The following MPRIP variants were observed in gnomAD, a reference collection of about 807,000 sequenced individuals.
MPRIP encodes the protein myosin phosphatase Rho interacting protein, also known as myosin phosphatase Rho-interacting protein.
Under a neutral mutation model 234.9 loss-of-function variants are expected in MPRIP, and 59 were observed. The observed-to-expected ratio is 0.25, with a 90% CI of 0.20 to 0.31. The LOEUF (loss-of-function observed/expected upper bound fraction) is 0.31, where lower values mean the gene tolerates loss of function less well. MPRIP is among the 10% of genes least tolerant of loss of function. The probability of loss-of-function intolerance (pLI) is 1.00; values close to 1 mark genes in which losing one functional copy is unlikely to be tolerated. For synonymous variants in MPRIP, 1,144 were observed against 1,263.9 expected, an observed-to-expected ratio of 0.91 and a Z score of 2.01; for missense variants, 2,436 against 3,071.0, an observed-to-expected ratio of 0.79 and a Z score of 4.89.
chr17:17,118,530 A>G (rs915630157), intron 3 of MPRIP, among the ~76,000 whole-genome samples: 4 of 152,210 alleles, frequency 2.6e-5, no homozygotes, highest in African/African-American at 7.2e-5. Flanking sequence ...GGGCTGTTCC[A>G]TGCAGCTTCA....
At chr17:17,178,808 A>G (rs1453018014) in intron 22 of MPRIP, 3 of 151,782 alleles carry the variant, frequency 2.0e-5, no homozygotes, top group Admixed American at 6.6e-5. Flanking sequence ...TCCCAGCGCT[A>G]CTTGGGAGGC....
intron 1 of MPRIP, among the ~76,000 whole-genome samples, chr17:17,048,694 G>A (rs1169346254): frequency 2.0e-5 from 3 of 152,158 alleles, no homozygotes; most frequent in Non-Finnish European, 4.4e-5. Flanking sequence ...ACATGTTGGC[G>A]AGGATGTGAA....
In MPRIP at chr17:17,166,007, T is replaced by G; in HGVS notation, c.4416T>G (p.Asn1472Lys). ...VGELGDFQVK[N>K]SQALMCLENC... Reference sequence around the variant, plus strand: ...AGCTTGGGGACTTCCAGGTCAAGAATAGTCAGGCCCTGATGTGCCTGGAAA... The same window carrying G: ...AGCTTGGGGACTTCCAGGTCAAGAAGAGTCAGGCCCTGATGTGCCTGGAAA... Residue 1472 changes from asparagine to lysine, a missense_variant, in exon 16 of 24, where the codon AAT (asparagine) becomes AAG (lysine). Transcript: ENST00000651222. The surrounding 1 kb of genome is among the most constrained non-coding windows in gnomAD (Gnocchi z 4.4). 7.7e-7 allele frequency: 1 copy of G among 1,304,104 alleles called. No homozygotes were observed. The highest frequency in any genetic ancestry group is 1.0e-6 in the Non-Finnish European group (1 of 988,882). The allele number at this position is 1,304,104 out of a possible 1,614,324, so 80.8% of individuals were successfully genotyped here.
Position 17,154,293 on chromosome 17 carries a change from C to A in MPRIP, c.1720-13C>A, listed in dbSNP as rs374236796. ...GGGACAGTCACTGATGGTGCCTCAT[C>A]TTTTCTCTGTAGACAAAGGAGGGCG... On this transcript the variant is annotated splice_polypyrimidine_tract_variant and intron_variant, in intron 12 of 23. Coordinates refer to ENST00000651222, the MANE Select transcript of MPRIP (RefSeq NM_001364716.4). 28 of 1,612,894 alleles carry A rather than the reference C, an allele frequency of 1.7e-5. No homozygotes were observed. The highest frequency in any genetic ancestry group is 2.2e-5 in the Non-Finnish European group (26 of 1,179,322).
intron 10 of MPRIP, 90 bp from the exon 11 acceptor site, chr17:17,147,229 C>T (rs1189831840): frequency 3.9e-6 from 5 of 1,285,556 alleles, no homozygotes; most frequent in Non-Finnish European, 5.6e-6. Context: ...TGGGAGGGCC[C>T]CACAGGCTCT....
intron 1 of MPRIP, 126 bp downstream of exon 1, chr17:17,043,097 G>A: frequency 1.1e-6 from 1 of 881,464 alleles, no homozygotes. Context: ...TGGGGCATGG[G>A]GACGGGGACG....
intron 3 of MPRIP, among the ~76,000 whole-genome samples, chr17:17,086,517 T>C (rs1022069030): frequency 1.3e-5 from 2 of 152,146 alleles, no homozygotes; most frequent in African/African-American, 4.8e-5. Flanking sequence ...AGCAGGGAGT[T>C]GGTGGGATAA....
intron 4 of MPRIP, among the ~76,000 whole-genome samples, chr17:17,130,370 T>C (rs1050999000): frequency 3.8e-4 from 58 of 151,698 alleles, no homozygotes; most frequent in Admixed American, 1.1e-3. Flanking sequence ...TTCCCTCTCT[T>C]CCTGTCCTCC....
intron 1 of MPRIP, among the ~76,000 whole-genome samples, chr17:17,064,603 A>G (rs1052800673): frequency 2.0e-5 from 3 of 152,244 alleles, no homozygotes; most frequent in Non-Finnish European, 4.4e-5. Flanking sequence ...CCATTTCCAT[A>G]AATCTGACAT....
At chr17:17,148,298 G>A (rs2045523584) in intron 11 of MPRIP, among the ~76,000 whole-genome samples, 1 of 152,172 alleles carries the variant, frequency 6.6e-6, no homozygotes, top group Non-Finnish European at 1.5e-5. Flanking sequence ...GTAGACCTCT[G>A]GGGGTCCCTG....
chr17:17,093,431 T>C (rs1427436037), intron 3 of MPRIP, among the ~76,000 whole-genome samples: 2 of 152,226 alleles, frequency 1.3e-5, no homozygotes, highest in Admixed American at 6.5e-5. Flanking sequence ...TTAAAACTTA[T>C]TCTGTATTCT....
intron 1 of MPRIP, chr17:17,057,938 G>T: frequency 2.1e-6 from 1 of 482,620 alleles, no homozygotes; most frequent in South Asian, 3.1e-5. Context: ...TAATAAAAAT[G>T]AATGCTCGTG....
chr17:17,085,790 G>A (rs1280527391), intron 3 of MPRIP, among the ~76,000 whole-genome samples: 1 of 152,202 alleles, frequency 6.6e-6, no homozygotes, highest in Admixed American at 6.5e-5. Context: ...GCGGGTGCCT[G>A]TACTCCCAGC....
chr17:17,154,529 T>TCTG, intron 13 of MPRIP, 114 bp downstream of exon 13: 1 of 778,046 alleles, frequency 1.3e-6, no homozygotes, highest in Non-Finnish European at 2.2e-6. Context: ...TGCATCCCAG[T>TCTG]CTGCTGCTCC....
rs140497947 is a variant in MPRIP at position 17,051,080 on chromosome 17, C to T, written c.123+8109C>T. ...TCCCACCTGTAAAGCGGGTGCCTGC[C>T]TTCTCTTTGCAGAGTAGTGTGCTGA... On this transcript the variant is annotated intron_variant, in intron 1 of 23. Coordinates refer to ENST00000651222, the MANE Select transcript of MPRIP (RefSeq NM_001364716.4). Among the ~76,000 whole-genome samples the T allele has an allele frequency of 1.9e-3, 291 of 152,254 alleles. 3 individuals carry two copies. The highest frequency in any genetic ancestry group is 6.6e-3 in the African/African-American group (276 of 41,568).
rs1448968365 is a variant in MPRIP, at chr17:17,146,106, G to A, written c.1560+14G>A. The stretch of plus-strand genomic sequence containing the variant: ...GAGGACGGCCAGGTGAGTGTGCAGG[G>A]TTGCCGTGGCCCCTGAGGGATCTGG... On this transcript the variant is annotated intron_variant, in intron 10 of 23. Coordinates refer to ENST00000651222, the MANE Select transcript of MPRIP (RefSeq NM_001364716.4). 2 of 1,613,460 alleles carry A rather than the reference G, an allele frequency of 1.2e-6. No individual in the cohort carries two copies. The highest frequency in any genetic ancestry group is 2.2e-5 in the East Asian group (1 of 44,884).
Position 17,138,694 on chromosome 17 carries a change from A to G in MPRIP, c.1250+265A>G, listed in dbSNP as rs1411864166. ...CAGTGCCTCCTAGGACTGGGACCTT[A>G]AGGTTCCCTGATGGGTTCTCAGCTG... is the stretch of plus-strand genomic sequence containing the variant. On this transcript the variant is annotated intron_variant, in intron 7 of 23. Coordinates refer to ENST00000651222, the MANE Select transcript of MPRIP (RefSeq NM_001364716.4). This position sits in a 1 kb window ranked among gnomAD's most constrained non-coding sequence, Gnocchi z 5.8. 6.6e-6 allele frequency among the ~76,000 whole-genome samples: 1 copy of G among 152,146 alleles called. No homozygotes were observed. Among genetic ancestry groups the G allele is most frequent in the Non-Finnish European group, 1.5e-5 (1 of 68,018 alleles).
chr17:17,159,126 TA>T, intron 14 of MPRIP, 124 bp downstream of exon 14: 1 of 990,518 alleles, frequency 1.0e-6, no homozygotes, highest in Non-Finnish European at 1.5e-6. Flanking sequence ...TGCAGACCCC[TA>T]GGGGAGACAG....
intron 22 of MPRIP, 50 bp downstream of exon 22, chr17:17,177,462 G>A (rs2046281326): frequency 6.3e-7 from 1 of 1,585,822 alleles, no homozygotes; most frequent in Non-Finnish European, 8.6e-7. Context: ...GGCTTATGGG[G>A]GTTTGGTCGT....
Sources: gnomAD v4.1 joint callset for allele counts (sites outside exome capture counted in the v4.1 genomes callset) on GRCh38, gnomAD v4.1.1 for gene constraint, Gnocchi (gnomAD v3.1) non-coding constraint, MANE v1.5 for transcripts, NCBI Gene and HGNC (gene_info 2026-07-23, HGNC 2026-07-21) for gene names.